GABRB3: variants seen among roughly 807,000 people sequenced by gnomAD.
The protein encoded by GABRB3 is gamma-aminobutyric acid receptor subunit beta-3.
In GABRB3, 14 loss-of-function variants were observed where a neutral mutation model predicts 52.1. The ratio of observed to expected loss-of-function variants is 0.27; its 90% CI spans 0.18 to 0.42. The LOEUF (loss-of-function observed/expected upper bound fraction) is 0.42. Among genes scored for constraint, GABRB3 ranks in the 10% least tolerant of loss-of-function variants. The probability of loss-of-function intolerance (pLI) is 1.00; values close to 1 mark genes in which losing one functional copy is unlikely to be tolerated. For missense variants in GABRB3, 307 were observed against 609.1 expected (o/e 0.50, Z 5.22); for synonymous variants, 260 against 232.3 (o/e 1.12, Z -1.08).
intron 3 of GABRB3, among the ~76,000 whole-genome samples, chr15:26,695,873 C>G (rs1179373670): frequency 6.6e-6 from 1 of 152,174 alleles, no homozygotes; most frequent in Non-Finnish European, 1.5e-5. Context: ...GATACTGAGA[C>G]AGTAAATCCA....
At chr15:26,634,918 C>CT (rs34667493) in intron 3 of GABRB3, among the ~76,000 whole-genome samples, 55,548 of 137,608 alleles carry the variant, frequency 0.4, 11,775 homozygotes, top group Middle Eastern at 0.55. Context: ...TATCTCTCTC[C>CT]AAATATTAGA....
At chr15:26,700,181 GA>G in intron 3 of GABRB3, among the ~76,000 whole-genome samples, 1 of 152,206 alleles carries the variant, frequency 6.6e-6, no homozygotes, top group East Asian at 1.9e-4. Flanking sequence ...AGGGCCTACA[GA>G]TGTCAAAAAG....
At chr15:26,604,583 A>T (rs745767871) in intron 4 of GABRB3, among the ~76,000 whole-genome samples, 3 of 152,186 alleles carry the variant, frequency 2.0e-5, no homozygotes, top group Non-Finnish European at 4.4e-5. Context: ...AGACCAACAG[A>T]ATAGAATACA....
intron 4 of GABRB3, among the ~76,000 whole-genome samples, chr15:26,586,933 CA>C (rs1430859803): frequency 6.6e-6 from 1 of 152,048 alleles, no homozygotes; most frequent in Non-Finnish European, 1.5e-5. Flanking sequence ...TAGACAATTT[CA>C]AACAGGGAGA....
intron 3 of GABRB3, among the ~76,000 whole-genome samples, chr15:26,691,042 G>T (rs1595532892): frequency 6.6e-6 from 1 of 151,008 alleles, no homozygotes; most frequent in Non-Finnish European, 1.5e-5. Context: ...TCCCATTCCT[G>T]GTCCTTATTC....
rs897162959 is a variant in GABRB3, at chr15:26,677,806, C to T, written c.241-56272G>A. On this transcript the variant is annotated intron_variant, in intron 3 of 8. Coordinates refer to ENST00000311550, the MANE Select transcript of GABRB3 (RefSeq NM_000814.6). ...TGTTTTGTTCATGTTTAAGGGCTATCATGAAGTTCCCATAAGAATTTGTAA... is the reference window on the plus strand; with the variant it reads ...TGTTTTGTTCATGTTTAAGGGCTATTATGAAGTTCCCATAAGAATTTGTAA... Among the ~76,000 whole-genome samples, 11 of 152,250 alleles carry T rather than the reference C, an allele frequency of 7.2e-5. No individual in the cohort carries two copies. The East Asian group carries it at 2.1e-3, about 29-fold the overall frequency.
chr15:26,694,611 T>C (rs536103712), intron 3 of GABRB3, among the ~76,000 whole-genome samples: 1 of 152,226 alleles, frequency 6.6e-6, no homozygotes, highest in South Asian at 2.1e-4. Flanking sequence ...AAGACTGATT[T>C]AACTTAGTTC....
intron 3 of GABRB3, among the ~76,000 whole-genome samples, chr15:26,741,012 CT>C (rs1890191208): frequency 6.6e-6 from 1 of 150,832 alleles, no homozygotes; most frequent in African/African-American, 2.5e-5. Flanking sequence ...ATTTCCTCAC[CT>C]GTAGAATGGC....
intron 3 of GABRB3, among the ~76,000 whole-genome samples, chr15:26,728,427 C>G (rs994817451): frequency 3.9e-5 from 6 of 152,122 alleles, no homozygotes; most frequent in African/African-American, 1.4e-4. Flanking sequence ...AAATAAACAC[C>G]GCGTGCTGGA....
chr15:26,713,912 G>A (rs1295894658), intron 3 of GABRB3, among the ~76,000 whole-genome samples: 5 of 152,190 alleles, frequency 3.3e-5, no homozygotes, highest in African/African-American at 1.2e-4. Flanking sequence ...AGAGACGGCT[G>A]GTGGAGGTTG....
rs1274785794 is a variant in GABRB3, at chr15:26,635,003, TATATATA to T, written c.241-13476_241-13470del. ...ATCTCTAAATATATATATATATATA[TATATATA>T]ATATATATATATTTAGAGAGGAAGA... On this transcript the variant is annotated intron_variant, in intron 3 of 8. Coordinates refer to ENST00000311550, the MANE Select transcript of GABRB3 (RefSeq NM_000814.6). 0.028 allele frequency among the ~76,000 whole-genome samples: 146 copies of T among 5,192 alleles called. 5 individuals carry two copies. In the East Asian group the frequency reaches 0.38, roughly 13 times the overall value. The allele number at this position is 5,192 out of a possible 152,430, so 3.4% of individuals were successfully genotyped here. A position where few individuals can be genotyped will look rare whatever the true frequency, so the allele number is the denominator to read the frequency against.
chr15:26,548,364 A>C (rs1889338768), intron 8 of GABRB3, among the ~76,000 whole-genome samples: 1 of 152,200 alleles, frequency 6.6e-6, no homozygotes, highest in Non-Finnish European at 1.5e-5. Flanking sequence ...GATTAGATGA[A>C]ATAAGGGGGA....
At chr15:26,763,937 G>A (rs1021611650) in intron 3 of GABRB3, among the ~76,000 whole-genome samples, 3 of 151,424 alleles carry the variant, frequency 2.0e-5, no homozygotes, top group African/African-American at 4.9e-5. Flanking sequence ...CCTGAGGTTA[G>A]GAGTTCAAGA....
rs1890922073 is a variant in GABRB3 at position 26,764,177 on chromosome 15, AAAATATATATATATATATATATAT to A, written c.240+8201_240+8224del. Among the ~76,000 whole-genome samples the A allele has an allele frequency of 6.9e-4, 8 of 11,578 alleles. 1 individual carries two copies. Among genetic ancestry groups the A allele is most frequent in the African/African-American group, 1.4e-3 (5 of 3,604 alleles). The allele number at this position is 11,578 out of a possible 152,430, so 7.6% of individuals were successfully genotyped here. A position where few individuals can be genotyped will look rare whatever the true frequency, so the allele number is the denominator to read the frequency against. On this transcript the variant is annotated intron_variant, in intron 3 of 8. Transcript: ENST00000311550. ...AAAAAAAAAAAAAAAAAAAAAAAAA[AAAATATATATATATATATATATAT>A]ATATATATATATATATATATATATA...
At chr15:26,632,601 C>A (rs2140560336) in intron 3 of GABRB3, among the ~76,000 whole-genome samples, 1 of 152,252 alleles carries the variant, frequency 6.6e-6, no homozygotes, top group Non-Finnish European at 1.5e-5. Flanking sequence ...TCAACCTAAG[C>A]CAATGAGAAC....
At chr15:26,656,137 G>A (rs979370390) in intron 3 of GABRB3, among the ~76,000 whole-genome samples, 1 of 152,106 alleles carries the variant, frequency 6.6e-6, no homozygotes, top group South Asian at 2.1e-4. Context: ...CCTCTGTCAG[G>A]CCGCGTGGTA....
Position 26,642,364 on chromosome 15 carries a change from T to G in GABRB3, c.241-20830A>C, listed in dbSNP as rs933009416. 3 of 603,890 alleles carry G rather than the reference T, an allele frequency of 5.0e-6. No individual in the cohort carries two copies. In the African/African-American group the frequency reaches 5.8e-5, roughly 12 times the overall value. 37.4% of individuals were successfully genotyped at this position (603,890 alleles called of 1,614,324 possible). On this transcript the variant is annotated intron_variant, in intron 3 of 8. Transcript: ENST00000311550. ...GTGGATTTTGGTGTACTTGGAGGTA[T>G]GGGGGTGGTCCTGGAACCAATCCCC...
rs74004648 is a variant in GABRB3 at position 26,705,661 on chromosome 15, T to C, written c.240+66741A>G. 3.0e-3 allele frequency among the ~76,000 whole-genome samples: 462 copies of C among 152,248 alleles called. 2 individuals are homozygous for C. Among genetic ancestry groups the C allele is most frequent in the African/African-American group, 0.011 (446 of 41,530 alleles). Reference sequence around the variant, plus strand: ...CAAGAGTACATTCTATACAATTATATGTATAGAACATTCTAAGAGACACCA... The same window carrying C: ...CAAGAGTACATTCTATACAATTATACGTATAGAACATTCTAAGAGACACCA... On this transcript the variant is annotated intron_variant, in intron 3 of 8. Transcript: ENST00000311550.
intron 4 of GABRB3, among the ~76,000 whole-genome samples, chr15:26,617,009 C>T (rs1210658212): frequency 6.6e-6 from 1 of 151,574 alleles, no homozygotes; most frequent in Admixed American, 6.6e-5. Flanking sequence ...TCGACACATA[C>T]ACTCTCCCAA....
Sources: gnomAD v4.1 joint callset for allele counts (sites outside exome capture counted in the v4.1 genomes callset) on GRCh38, gnomAD v4.1.1 for gene constraint, MANE v1.5 for transcripts, NCBI Gene and HGNC (gene_info 2026-07-23, HGNC 2026-07-21) for gene names.